PREP: variants seen among roughly 807,000 people sequenced by gnomAD.
The protein encoded by PREP is prolyl endopeptidase, also known as dJ355L5.1 (prolyl endopeptidase).
PREP carries 29 observed loss-of-function variants against 87.6 expected under a neutral mutation model. The ratio of observed to expected loss-of-function variants is 0.33; its 90% CI spans 0.25 to 0.45. The LOEUF is 0.45. Ranked by LOEUF, PREP falls within the 20% of genes least tolerant of loss-of-function variation. The pLI is 1.00. For missense variants in PREP, 695 were observed against 886.5 expected (o/e 0.78, Z 2.74); for synonymous variants, 337 against 328.6 (o/e 1.03, Z -0.28).
chr6:105,368,230 A>G (rs1430327508), intron 6 of PREP, among the ~76,000 whole-genome samples: 1 of 152,222 alleles, frequency 6.6e-6, no homozygotes, highest in African/African-American at 2.4e-5. Flanking sequence ...CATATTCAGA[A>G]TGCTTCTCTA....
chr6:105,321,431 C>T (rs749821704), intron 10 of PREP, among the ~76,000 whole-genome samples: 25 of 152,198 alleles, frequency 1.6e-4, no homozygotes, highest in Non-Finnish European at 3.4e-4. Flanking sequence ...CACCTGGCAG[C>T]GCCGAAGCGC....
rs1424796524 is a variant in PREP, at chr6:105,282,490, G to T, written c.1642C>A (p.Leu548Met). Residue 548 changes from leucine (L) to methionine (M), a missense_variant, in exon 13 of 15, where the codon CTG (leucine) becomes ATG (methionine). This residue lies in a region of PREP where 35 missense variants were observed against 36.0 expected (regional missense o/e 0.97). Coordinates refer to ENST00000652536, the MANE Select transcript of PREP (RefSeq NM_002726.5). ...CCATTTGAACCTCCATTAATAGTCA[G>T]CCTCTTGGGAGATGTGTAACCTTCC... ...IKEGYTSPKRLTINGGSNGGL... is the reference protein window; with the variant it reads ...IKEGYTSPKRMTINGGSNGGL... 1.2e-6 allele frequency: 2 copies of T among 1,614,148 alleles called. No homozygotes were observed. Among genetic ancestry groups the T allele is most frequent in the Non-Finnish European group, 1.7e-6 (2 of 1,180,024 alleles).
intron 10 of PREP, among the ~76,000 whole-genome samples, chr6:105,305,371 G>C (rs1770631886): frequency 6.6e-6 from 1 of 152,100 alleles, no homozygotes; most frequent in Non-Finnish European, 1.5e-5. Flanking sequence ...AGCTGAGTGT[G>C]GCCCCGAATT....
chr6:105,383,130 T>C (rs1772891010), intron 2 of PREP, among the ~76,000 whole-genome samples: 1 of 151,938 alleles, frequency 6.6e-6, no homozygotes, highest in Non-Finnish European at 1.5e-5. Context: ...TCAAGGTAGG[T>C]CATGCACAAA....
chr6:105,378,836 T>C (rs887706378), intron 2 of PREP, among the ~76,000 whole-genome samples: 6 of 152,134 alleles, frequency 3.9e-5, no homozygotes, highest in Admixed American at 3.9e-4. Context: ...GAAAAATGCA[T>C]TATTATCAGA....
intron 2 of PREP, among the ~76,000 whole-genome samples, chr6:105,395,796 T>C (rs1323618191): frequency 6.6e-6 from 1 of 152,214 alleles, no homozygotes; most frequent in Non-Finnish European, 1.5e-5. Flanking sequence ...GCTGTAGAAA[T>C]CCAGGTTATA....
At chr6:105,301,288 G>A (rs1408971411) in intron 10 of PREP, among the ~76,000 whole-genome samples, 1 of 152,212 alleles carries the variant, frequency 6.6e-6, no homozygotes, top group East Asian at 1.9e-4. Context: ...AGAGTTGACA[G>A]AGGCCACTTG....
chr6:105,351,785 G>C (rs1771959152), intron 7 of PREP, among the ~76,000 whole-genome samples: 1 of 152,174 alleles, frequency 6.6e-6, no homozygotes, highest in East Asian at 1.9e-4. Flanking sequence ...CTGGATGGTG[G>C]TTTGCCCTGA....
At chr6:105,380,834 C>A (rs1340365284) in intron 2 of PREP, among the ~76,000 whole-genome samples, 1 of 152,160 alleles carries the variant, frequency 6.6e-6, no homozygotes, top group African/African-American at 2.4e-5. Context: ...CATGAGGCTG[C>A]ACTTAGGCCC....
intron 1 of PREP, among the ~76,000 whole-genome samples, chr6:105,399,050 T>C (rs1171023911): frequency 2.0e-5 from 3 of 151,288 alleles, no homozygotes; most frequent in Non-Finnish European, 4.4e-5. Context: ...GAGGTTGCAG[T>C]GAGCTGAGAC....
chr6:105,369,309 TAGA>T (rs1772476578), intron 5 of PREP, among the ~76,000 whole-genome samples: 2 of 152,216 alleles, frequency 1.3e-5, no homozygotes, highest in African/African-American at 4.8e-5. Context: ...ATGAAAGAAG[TAGA>T]AGAACTAAAT....
intron 10 of PREP, among the ~76,000 whole-genome samples, chr6:105,318,461 CTATTA>C (rs1346365508): frequency 6.6e-6 from 1 of 152,116 alleles, no homozygotes; most frequent in African/African-American, 2.4e-5. Context: ...ACTTACTTCT[CTATTA>C]TAAGACAGCA....
chr6:105,357,222 T>C (rs1209119865), intron 6 of PREP, among the ~76,000 whole-genome samples: 1 of 152,240 alleles, frequency 6.6e-6, no homozygotes, highest in African/African-American at 2.4e-5. Flanking sequence ...TTTTGTTCTC[T>C]TGTCCTTTAA....
chr6:105,293,382 T>C (rs533638499), intron 10 of PREP, among the ~76,000 whole-genome samples: 1 of 152,248 alleles, frequency 6.6e-6, no homozygotes, highest in Non-Finnish European at 1.5e-5. Context: ...AAGTTCACAG[T>C]CTTATACGGG....
chr6:105,278,089 C>T lies in PREP; in HGVS notation c.*55G>A, dbSNP rs955863971. ...ATGCCCAGTGGTTTCTTGGTGTCAA[C>T]GTGGGAAAGCCCTTGAGGTTTTCTG... On this transcript the variant is annotated 3_prime_UTR_variant, in exon 15 of 15. Transcript: ENST00000652536. The surrounding 1 kb of genome is among the most constrained non-coding windows in gnomAD (Gnocchi z 4.2). 4.5e-6 allele frequency: 7 copies of T among 1,557,296 alleles called. No homozygotes were observed. Among genetic ancestry groups the T allele is most frequent in the Middle Eastern group, 2.3e-4 (1 of 4,272 alleles).
chr6:105,288,888 A>G lies in PREP; in HGVS notation c.1324T>C (p.Tyr442His). 6.2e-7 allele frequency: 1 copy of G among 1,611,920 alleles called. No individual in the cohort carries two copies. The highest frequency in any genetic ancestry group is 8.5e-7 in the Non-Finnish European group (1 of 1,178,068). ...ATCTTCGTACCATCCTTGCTAGGGT[A>G]GAAAATCTAGAATATAAGAAAGCAG... ...ASDYQTVQIFYPSKDGTKIPM... is the reference protein window; with the variant it reads ...ASDYQTVQIFHPSKDGTKIPM... The change falls in exon 11 of 15, where the codon TAC becomes CAC. Residue 442 changes from tyrosine (Y) to histidine (H), a missense_variant. Coordinates refer to ENST00000652536, the MANE Select transcript of PREP (RefSeq NM_002726.5).
At chr6:105,397,707 A>C in intron 2 of PREP, 146 bp downstream of exon 2, 1 of 598,378 alleles carries the variant, frequency 1.7e-6, no homozygotes, top group East Asian at 2.7e-5. Flanking sequence ...TTATTTGACA[A>C]AAAGTAGTGG....
chr6:105,371,500 C>CAAAA (rs528772896), intron 5 of PREP, among the ~76,000 whole-genome samples: 9 of 44,780 alleles, frequency 2.0e-4, no homozygotes, highest in African/African-American at 3.7e-4. Flanking sequence ...GATTCCATCT[C>CAAAA]AAAAAAAAAA....
chr6:105,286,725 C>T (rs1166966187), intron 11 of PREP, among the ~76,000 whole-genome samples: 2 of 151,738 alleles, frequency 1.3e-5, no homozygotes, highest in Non-Finnish European at 2.9e-5. Flanking sequence ...GTAGATGTAT[C>T]AGACCATCCA....
Sources: gnomAD v4.1 joint callset for allele counts (sites outside exome capture counted in the v4.1 genomes callset) on GRCh38, gnomAD v4.1.1 for gene constraint, gnomAD v4.1.1 regional missense constraint, Gnocchi (gnomAD v3.1) non-coding constraint, MANE v1.5 for transcripts, NCBI Gene and HGNC (gene_info 2026-07-23, HGNC 2026-07-21) for gene names.